The following GPR19 variants were observed in gnomAD, a reference collection of about 807,000 sequenced individuals.
GPR19 encodes probable G protein-coupled receptor 19.
Under a neutral mutation model 28.5 loss-of-function variants are expected in GPR19, and 14 were observed. That is an observed-to-expected ratio of 0.49 (90% confidence interval 0.32 to 0.77). The LOEUF (loss-of-function observed/expected upper bound fraction) is 0.77, where lower values mean the gene tolerates loss of function less well. Among genes scored for constraint, GPR19 ranks in the 30% least tolerant of loss-of-function variants. The probability of loss-of-function intolerance (pLI) is 0.03; values close to 1 mark genes in which losing one functional copy is unlikely to be tolerated. For missense variants in GPR19, 409 were observed against 504.1 expected, an observed-to-expected ratio of 0.81 and a Z score of 1.81; for synonymous variants, 173 against 184.1, an observed-to-expected ratio of 0.94 and a Z score of 0.49.
chr12:12,675,220 G>A (rs2136325666), intron 3 of GPR19, among the ~76,000 whole-genome samples: 2 of 152,296 alleles, frequency 1.3e-5, no homozygotes, highest in South Asian at 4.1e-4. Flanking sequence ...AAATCATCAC[G>A]TGGGGAGCAG....
the GPR19 span, among the ~76,000 whole-genome samples, chr12:12,708,562 A>G: frequency 7.2e-5 from 11 of 152,296 alleles, no homozygotes; most frequent in East Asian, 3.9e-4. Flanking sequence ...ATCTTCTACA[A>G]TGGATTCTGG....
intron 2 of GPR19, among the ~76,000 whole-genome samples, chr12:12,693,711 C>T (rs1156717364): frequency 5.9e-5 from 9 of 152,166 alleles, no homozygotes; most frequent in Admixed American, 3.3e-4. Context: ...TTCCTCCAAA[C>T]GTGTTTTCCA....
intron 2 of GPR19, among the ~76,000 whole-genome samples, chr12:12,692,188 C>G (rs1023659986): frequency 2.6e-5 from 4 of 152,178 alleles, no homozygotes; most frequent in Non-Finnish European, 1.5e-5. Flanking sequence ...AAGACTGATT[C>G]CTTATCTCAA....
intron 3 of GPR19, among the ~76,000 whole-genome samples, chr12:12,667,704 A>G (rs1207565972): frequency 6.6e-6 from 1 of 151,846 alleles, no homozygotes; most frequent in African/African-American, 2.4e-5. Flanking sequence ...TAGAAAAAAA[A>G]AAAAAAAAAG....
the GPR19 span, chr12:12,703,318 T>C: frequency 1.1e-5 from 10 of 914,788 alleles, no homozygotes; most frequent in African/African-American, 1.8e-5. Context: ...TAAGGTCTAT[T>C]GATTGTGAGA....
At chr12:12,690,024 G>T (rs1160432333) in intron 2 of GPR19, among the ~76,000 whole-genome samples, 1 of 152,216 alleles carries the variant, frequency 6.6e-6, no homozygotes, top group Non-Finnish European at 1.5e-5. Context: ...CTTTGTGAGA[G>T]ACCCGAAGCC....
the GPR19 span, among the ~76,000 whole-genome samples, chr12:12,707,073 C>T: frequency 1.3e-5 from 2 of 152,138 alleles, no homozygotes; most frequent in African/African-American, 2.4e-5. Context: ...CTCCTACTCC[C>T]CAGCCCCCAC....
At chr12:12,680,938 C>G (rs552210186) in intron 3 of GPR19, among the ~76,000 whole-genome samples, 1 of 152,210 alleles carries the variant, frequency 6.6e-6, no homozygotes, top group Admixed American at 6.5e-5. Flanking sequence ...TTCTGCCCCC[C>G]TCAGCCTCCC....
At chr12:12,704,014 G>A in the GPR19 span, among the ~76,000 whole-genome samples, 1 of 152,240 alleles carries the variant, frequency 6.6e-6, no homozygotes, top group African/African-American at 2.4e-5. Context: ...GACAGTGTAT[G>A]TGTTGGTGTG....
chr12:12,705,187 C>G, the GPR19 span, among the ~76,000 whole-genome samples: 1 of 149,308 alleles, frequency 6.7e-6, no homozygotes, highest in Non-Finnish European at 1.5e-5. Context: ...GATCTTGGCC[C>G]ATGCCTGTAA....
At chr12:12,714,791 GCGT>G in the GPR19 span, among the ~76,000 whole-genome samples, 1 of 152,012 alleles carries the variant, frequency 6.6e-6, no homozygotes, top group Non-Finnish European at 1.5e-5. Context: ...TTTTTTTCAC[GCGT>G]CGTCGCTACT....
At chr12:12,677,730 C>T (rs1685848853) in intron 3 of GPR19, among the ~76,000 whole-genome samples, 1 of 152,004 alleles carries the variant, frequency 6.6e-6, no homozygotes, top group South Asian at 2.1e-4. Flanking sequence ...GATCATTTCT[C>T]AGTGCTTCTT....
In GPR19 at chr12:12,662,184, C is replaced by T. The variant is rs1417730307; in HGVS notation, c.265G>A (p.Val89Ile). 1 of 1,614,094 alleles carries T rather than the reference C, an allele frequency of 6.2e-7. No individual in the cohort carries two copies. The highest frequency in any genetic ancestry group is 2.2e-5 in the East Asian group (1 of 44,898). The change falls in exon 4 of 4, where the codon GTC becomes ATC. Residue 89 changes from valine to isoleucine, a missense_variant. Coordinates refer to ENST00000651487, the MANE Select transcript of GPR19 (RefSeq NM_006143.3). ...SIFGNSLVCL[V>I]IHRSRRTQST... ...TGAGTCCTCCTACTCCTATGGATGA[C>T]CAAACAAACCAGGGAATTGCCGAAG...
intron 3 of GPR19, among the ~76,000 whole-genome samples, chr12:12,667,177 G>A (rs1053040359): frequency 1.3e-5 from 2 of 152,158 alleles, no homozygotes; most frequent in African/African-American, 4.8e-5. Context: ...GACAAGAAAG[G>A]CTTCTTCACC....
chr12:12,681,323 G>A (rs1946017166), intron 3 of GPR19, among the ~76,000 whole-genome samples: 1 of 152,142 alleles, frequency 6.6e-6, no homozygotes, highest in South Asian at 2.1e-4. Flanking sequence ...CAGGACCCAG[G>A]TATCACTTTC....
At chr12:12,692,715 C>A (rs1225144755) in intron 2 of GPR19, among the ~76,000 whole-genome samples, 1 of 141,812 alleles carries the variant, frequency 7.1e-6, no homozygotes, top group Non-Finnish European at 1.6e-5. Context: ...TTTTTTTTTT[C>A]TCCAACTGGG....
In GPR19 at chr12:12,661,880, A is replaced by C. The variant is rs780633981; in HGVS notation, c.569T>G (p.Phe190Cys). The C allele has an allele frequency of 1.9e-6, 3 of 1,614,212 alleles. No homozygotes were observed. The highest frequency in any genetic ancestry group is 2.5e-6 in the Non-Finnish European group (3 of 1,180,044). ...AKKMIAASWV[F>C]DAGFVTPVLF... ...CACAGGGGTCACAAAGCCTGCATCAAAGACCCACGATGCCGCAATCATTTT... is the reference window on the plus strand; with the variant it reads ...CACAGGGGTCACAAAGCCTGCATCACAGACCCACGATGCCGCAATCATTTT... Residue 190 changes from phenylalanine (F) to cysteine (C), a missense_variant, in exon 4 of 4, where the codon TTT (phenylalanine) becomes TGT (cysteine). Phe to Cys is a radical substitution (Grantham distance 205). Transcript: ENST00000651487. The surrounding 1 kb of genome is among the most constrained non-coding windows in gnomAD (Gnocchi z 4.2).
chr12:12,669,144 C>T (rs1355969095), intron 3 of GPR19: 1 of 152,228 alleles, frequency 6.6e-6, no homozygotes, highest in Non-Finnish European at 1.5e-5. Context: ...GTTCAATATG[C>T]TAGCTCAGAA....
chr12:12,716,147 C>G, the GPR19 span, among the ~76,000 whole-genome samples: 1 of 152,132 alleles, frequency 6.6e-6, no homozygotes, highest in Non-Finnish European at 1.5e-5. Flanking sequence ...GGTGCTCAAG[C>G]CCACACTGAG....
Sources: gnomAD v4.1 joint callset for allele counts (sites outside exome capture counted in the v4.1 genomes callset) on GRCh38, gnomAD v4.1.1 for gene constraint, Gnocchi (gnomAD v3.1) non-coding constraint, MANE v1.5 for transcripts, NCBI Gene and HGNC (gene_info 2026-07-23, HGNC 2026-07-21) for gene names.